RAB38: variants seen among roughly 807,000 people sequenced by gnomAD.
RAB38 encodes RAB38, member RAS oncogene family.
A neutral mutation model predicts 18.4 loss-of-function variants in RAB38; 15 were observed. That is an observed-to-expected ratio of 0.82 (90% CI 0.55 to 1.26). The LOEUF (loss-of-function observed/expected upper bound fraction) is 1.26. Among genes scored for constraint, RAB38 ranks in the 50% most tolerant of loss-of-function variants. The pLI, the probability that RAB38 is intolerant of heterozygous loss-of-function variation, is 0.00. For missense variants in RAB38, 294 were observed against 267.4 expected (o/e 1.10, Z -0.69); for synonymous variants, 101 against 104.4 (o/e 0.97, Z 0.20).
At chr11:87,966,754 C>T in the RAB38 span, among the ~76,000 whole-genome samples, 1 of 152,260 alleles carries the variant, frequency 6.6e-6, no homozygotes, top group East Asian at 1.9e-4. Flanking sequence ...TGCTGTAATT[C>T]TTGGCAACAT....
chr11:87,907,848 C>T, the RAB38 span, among the ~76,000 whole-genome samples: 1 of 151,650 alleles, frequency 6.6e-6, no homozygotes, highest in African/African-American at 2.4e-5. Flanking sequence ...TCCTGGGAGC[C>T]TTTACAAATT....
chr11:87,936,910 C>T, the RAB38 span, among the ~76,000 whole-genome samples: 1 of 151,972 alleles, frequency 6.6e-6, no homozygotes, highest in African/African-American at 2.4e-5. Flanking sequence ...TCTATGTATA[C>T]AACCATGCCA....
chr11:87,827,325 A>G, the RAB38 span, among the ~76,000 whole-genome samples: 4 of 151,770 alleles, frequency 2.6e-5, no homozygotes, highest in Non-Finnish European at 4.4e-5. Flanking sequence ...TTTTATGACA[A>G]TCTTGTGGAT....
the RAB38 span, among the ~76,000 whole-genome samples, chr11:87,820,336 G>A: frequency 6.6e-6 from 1 of 152,106 alleles, no homozygotes. Context: ...ATAAGGATGA[G>A]CCAAAACAAA....
intron 2 of RAB38, among the ~76,000 whole-genome samples, chr11:88,146,876 C>T (rs2134822270): frequency 6.6e-6 from 1 of 152,292 alleles, no homozygotes; most frequent in South Asian, 2.1e-4. Context: ...GTCCCCCTTC[C>T]CCAACACCGT....
At chr11:87,831,191 C>T in the RAB38 span, among the ~76,000 whole-genome samples, 4 of 152,112 alleles carry the variant, frequency 2.6e-5, no homozygotes, top group Admixed American at 2.6e-4. Flanking sequence ...GCACATCAGA[C>T]GCCAGAGCTT....
At chr11:88,052,943 T>TATAA in the RAB38 span, among the ~76,000 whole-genome samples, 72 of 115,640 alleles carry the variant, frequency 6.2e-4, no homozygotes, top group African/African-American at 2.4e-3. Context: ...TATATATATA[T>TATAA]AAATTATATA....
the RAB38 span, among the ~76,000 whole-genome samples, chr11:87,908,518 A>G: frequency 1.3e-5 from 2 of 152,030 alleles, no homozygotes; most frequent in Non-Finnish European, 2.9e-5. Flanking sequence ...TGTGGAAACT[A>G]TGGAGGTCTG....
At chr11:87,930,251 G>A in the RAB38 span, among the ~76,000 whole-genome samples, 5,948 of 152,124 alleles carry the variant, frequency 0.039, 189 homozygotes, top group East Asian at 0.15. Context: ...TTTAATGATC[G>A]CCATTCTAAC....
chr11:88,151,111 G>A (rs955504393), intron 1 of RAB38, among the ~76,000 whole-genome samples: 4 of 152,120 alleles, frequency 2.6e-5, no homozygotes, highest in Admixed American at 1.3e-4. Context: ...GATGCTTAAC[G>A]TTCTGATTGA....
At chr11:87,913,377 G>C in the RAB38 span, among the ~76,000 whole-genome samples, 7 of 152,012 alleles carry the variant, frequency 4.6e-5, no homozygotes, top group Non-Finnish European at 1.0e-4. Flanking sequence ...CTGGTATTTT[G>C]AAGTTCTGTT....
At chr11:87,901,035 C>T in the RAB38 span, among the ~76,000 whole-genome samples, 1 of 151,566 alleles carries the variant, frequency 6.6e-6, no homozygotes, top group Non-Finnish European at 1.5e-5. Flanking sequence ...CAGAATTTTT[C>T]TTTACATCCA....
the RAB38 span, among the ~76,000 whole-genome samples, chr11:87,834,706 G>T: frequency 6.6e-6 from 1 of 152,164 alleles, no homozygotes; most frequent in African/African-American, 2.4e-5. Context: ...GATAATATCA[G>T]TTTAGAGCTC....
chr11:87,893,455 A>C, the RAB38 span, among the ~76,000 whole-genome samples: 1 of 146,390 alleles, frequency 6.8e-6, no homozygotes, highest in Non-Finnish European at 1.5e-5. Context: ...TGGACCAATC[A>C]ACTATGGTCA....
intron 2 of RAB38, among the ~76,000 whole-genome samples, chr11:88,138,253 A>AT (rs1421482062): frequency 6.6e-5 from 10 of 152,208 alleles, no homozygotes; most frequent in African/African-American, 2.4e-4. Flanking sequence ...TATAATGGAA[A>AT]TTTTTTAAAA....
the RAB38 span, among the ~76,000 whole-genome samples, chr11:87,946,647 T>A: frequency 6.6e-6 from 1 of 152,108 alleles, no homozygotes; most frequent in African/African-American, 2.4e-5. Context: ...GGTGTTTGGT[T>A]TTTTGTCCTT....
chr11:88,042,320 T>A, the RAB38 span, among the ~76,000 whole-genome samples: 1 of 152,160 alleles, frequency 6.6e-6, no homozygotes, highest in African/African-American at 2.4e-5. Flanking sequence ...TGCTTCTCCA[T>A]CACCTCCCAG....
At chr11:88,096,704 C>T in the RAB38 span, among the ~76,000 whole-genome samples, 1 of 151,610 alleles carries the variant, frequency 6.6e-6, no homozygotes, top group African/African-American at 2.4e-5. Flanking sequence ...ATAAAGCAAG[C>T]AAGAAAGGGG....
At chr11:88,135,999 C>T (rs769184776) in intron 2 of RAB38, among the ~76,000 whole-genome samples, 71 of 152,106 alleles carry the variant, frequency 4.7e-4, no homozygotes, top group Non-Finnish European at 1.0e-3. Context: ...CAAGCTTTGA[C>T]AAGTAAAATT....
Sources: allele counts gnomAD v4.1 joint callset (sites outside exome capture counted in the v4.1 genomes callset), GRCh38; gene constraint gnomAD v4.1.1; transcripts MANE v1.5; gene names NCBI Gene and HGNC (gene_info 2026-07-23, HGNC 2026-07-21).